SERPINA10: variants seen among roughly 807,000 people sequenced by gnomAD.
SERPINA10 encodes serpin family A member 10.
SERPINA10 carries 24 observed loss-of-function variants against 28.0 expected under a neutral mutation model. The ratio of observed to expected loss-of-function variants is 0.86; its 90% CI spans 0.62 to 1.20. SERPINA10 has a LOEUF of 1.20. Among genes scored for constraint, SERPINA10 ranks in the 50% most tolerant of loss-of-function variants. SERPINA10 has a pLI of 0.00. For synonymous variants in SERPINA10, 207 were observed against 203.9 expected (o/e 1.02, Z -0.13); for missense variants, 521 against 537.7 (o/e 0.97, Z 0.31).
chr14:94,288,289 GT>G lies in SERPINA10; in HGVS notation c.988del (p.Thr330ProfsTer13). 1.2e-6 allele frequency: 2 copies of G among 1,613,670 alleles called. No homozygotes were observed. Among genetic ancestry groups the G allele is most frequent in the Non-Finnish European group, 1.7e-6 (2 of 1,180,042 alleles). On this transcript the variant is annotated frameshift_variant, in exon 3 of 5. Transcript: ENST00000261994. LOFTEE classifies it high-confidence loss of function. ...LVETWLRNMK[T>X]RNMEVFFPKF... ...AGGGTGTGGGCAAGAGTTGTACCTG[GT>G]TTTCATGTTTCTGAGCCATGTCTCC...
At chr14:94,288,629 T>C (rs868195158) in intron 2 of SERPINA10, 70 bp from the exon 3 acceptor site, 2 of 1,586,568 alleles carry the variant, frequency 1.3e-6, no homozygotes, top group African/African-American at 1.3e-5. Flanking sequence ...GCTCAAATAA[T>C]AGAGAGGGAG....
chr14:94,280,621 T>C lies in SERPINA10; in HGVS notation c.*3344A>G, dbSNP rs1357968690. On this transcript the variant is annotated 3_prime_UTR_variant, in exon 5 of 5. Transcript: ENST00000261994. ...TGAAAGTTCTCAGTTTAACAACTTA[T>C]CAAATTAATCCTTTAAGCTAGTTGT... The C allele has an allele frequency of 6.6e-6, 1 of 152,204 alleles. No homozygotes were observed. Among genetic ancestry groups the C allele is most frequent in the Non-Finnish European group, 1.5e-5 (1 of 68,030 alleles). 9.4% of individuals were successfully genotyped at this position (152,204 alleles called of 1,614,324 possible).
In SERPINA10 at chr14:94,290,364, T is replaced by C. The variant is rs373169228; in HGVS notation, c.230A>G (p.Lys77Arg). 1.2e-5 allele frequency: 19 copies of C among 1,614,122 alleles called. No homozygotes were observed. The highest frequency in any genetic ancestry group is 9.3e-5 in the African/African-American group (7 of 74,944). The change falls in exon 2 of 5, where the codon AAG (lysine) becomes AGG (arginine). Residue 77 changes from lysine to arginine, a missense_variant. By Grantham distance (26) the Lys-to-Arg change is conservative. Coordinates refer to ENST00000261994, the MANE Select transcript of SERPINA10 (RefSeq NM_001100607.3). Reference protein sequence around the residue: ...WLMASRQQLAKETSNFGFSLL... With the variant: ...WLMASRQQLARETSNFGFSLL... ...GCTGAATCCGAAGTTTGAAGTCTCCTTGGCAAGCTGCTGCCTGCTGGCCAT... is the reference window on the plus strand; with the variant it reads ...GCTGAATCCGAAGTTTGAAGTCTCCCTGGCAAGCTGCTGCCTGCTGGCCAT...
intron 3 of SERPINA10, among the ~76,000 whole-genome samples, chr14:94,288,048 T>C (rs188359152): frequency 4.1e-4 from 62 of 152,336 alleles, no homozygotes; most frequent in Non-Finnish European, 3.1e-4. Flanking sequence ...CCTGGCATCA[T>C]ATATTTATCA....
chr14:94,291,823 T>C (rs56129514), intron 1 of SERPINA10, among the ~76,000 whole-genome samples: 79 of 152,354 alleles, frequency 5.2e-4, no homozygotes, highest in African/African-American at 1.9e-3. Flanking sequence ...TATCTATGCC[T>C]GGGACAAAAC....
At position 94,290,114 on chromosome 14, in the gene SERPINA10, G is replaced by A; in HGVS notation, c.480C>T (p.Leu160=). The stretch of plus-strand genomic sequence containing the variant: ...GGATGAAGGCAAAACTCCCCTGTGT[G>A]AGGCCCAGTTCCAGGTTGCGGGAGA... ...ETLSRNLELG[L]TQGSFAFIHK... is the part of the protein sequence containing the mutation. The change falls in exon 2 of 5, where the codon CTC becomes CTT. Residue 160 remains leucine, a synonymous_variant. Transcript: ENST00000261994. 6.2e-7 allele frequency: 1 copy of A among 1,614,196 alleles called. No individual in the cohort carries two copies. Among genetic ancestry groups the A allele is most frequent in the Admixed American group, 1.7e-5 (1 of 60,028 alleles).
chr14:94,291,141 G>A (rs1191051488), intron 1 of SERPINA10, among the ~76,000 whole-genome samples: 2 of 152,222 alleles, frequency 1.3e-5, no homozygotes, highest in African/African-American at 2.4e-5. Context: ...CAAGGAAGGG[G>A]GAAAGTATTG....
intron 1 of SERPINA10, chr14:94,292,810 C>T: frequency 1.6e-6 from 1 of 631,278 alleles, no homozygotes; most frequent in Non-Finnish European, 2.9e-6. Flanking sequence ...CTAGACAGAA[C>T]CTGGGCAGTA....
chr14:94,284,259 A>G (rs1894969293), intron 4 of SERPINA10, 103 bp from the exon 5 acceptor site: 2 of 1,054,398 alleles, frequency 1.9e-6, no homozygotes, highest in Non-Finnish European at 2.8e-6. Flanking sequence ...CCATGGGGTC[A>G]TGCTCCTGGG....
In SERPINA10 at chr14:94,288,355, T is replaced by C; in HGVS notation, c.923A>G (p.Asp308Gly). 1.2e-6 allele frequency: 2 copies of C among 1,614,136 alleles called. No homozygotes were observed. Among genetic ancestry groups the C allele is most frequent in the South Asian group, 2.2e-5 (2 of 91,072 alleles). Residue 308 changes from aspartate (D) to glycine (G), a missense_variant, in exon 3 of 5, where the codon GAC becomes GGC. Asp to Gly is a moderately conservative substitution (Grantham distance 94). Transcript: ENST00000261994. ...CAGGTAGTCTTCAAGGGCGAGGTGG[T>C]CACCCATTTTCTCCATGAGGACCAC... Reference protein sequence around the residue: ...MLVVLMEKMGDHLALEDYLTT... With the variant: ...MLVVLMEKMGGHLALEDYLTT...
rs1254743587 is a variant in SERPINA10, at chr14:94,281,426, ACT to A, written c.*2537_*2538del. On this transcript the variant is annotated 3_prime_UTR_variant, in exon 5 of 5. Transcript: ENST00000261994. ...ACTCCAGCCTGGGTGACAGAGCAAG[ACT>A]CTGTCTCAAAACAAAAACAAAAACA... 6.6e-6 allele frequency: 1 copy of A among 152,380 alleles called. No homozygotes were observed. Among genetic ancestry groups the A allele is most frequent in the South Asian group, 2.1e-4 (1 of 4,826 alleles). The allele number at this position is 152,380 out of a possible 1,614,324, so 9.4% of individuals were successfully genotyped here. A position where few individuals can be genotyped will look rare whatever the true frequency, so the allele number is the denominator to read the frequency against.
rs1242055819 is a variant in SERPINA10 at position 94,283,427 on chromosome 14, A to G, written c.*538T>C. On this transcript the variant is annotated 3_prime_UTR_variant, in exon 5 of 5. Coordinates refer to ENST00000261994, the MANE Select transcript of SERPINA10 (RefSeq NM_001100607.3). ...CCATGGTCCAAAAACATTAAATGAA[A>G]AATTCCAGAAATAAACAATCTAAAA... 1.3e-5 allele frequency: 2 copies of G among 154,010 alleles called. No homozygotes were observed. Among genetic ancestry groups the G allele is most frequent in the East Asian group, 3.8e-4 (2 of 5,246 alleles). The allele number at this position is 154,010 out of a possible 1,614,324, so 9.5% of individuals were successfully genotyped here. A position where few individuals can be genotyped will look rare whatever the true frequency, so the allele number is the denominator to read the frequency against.
In SERPINA10 at chr14:94,283,891, C is replaced by G. The variant is rs1182226087; in HGVS notation, c.*74G>C. 1.4e-6 allele frequency: 2 copies of G among 1,417,968 alleles called. No individual in the cohort carries two copies. Among genetic ancestry groups the G allele is most frequent in the African/African-American group, 1.4e-5 (1 of 70,680 alleles). 87.8% of individuals were successfully genotyped at this position (1,417,968 alleles called of 1,614,324 possible). On this transcript the variant is annotated 3_prime_UTR_variant, in exon 5 of 5. Coordinates refer to ENST00000261994, the MANE Select transcript of SERPINA10 (RefSeq NM_001100607.3). The stretch of plus-strand genomic sequence containing the variant: ...GAACACTCTCCCCTGCCATCCATTG[C>G]TGGTATCCTGTGTGTGTTTGATACC...
At position 94,289,961 on chromosome 14, in the gene SERPINA10, T is replaced by C. The variant is rs1047592561; in HGVS notation, c.633A>G (p.Lys211=). The C allele has an allele frequency of 6.2e-7, 1 of 1,614,240 alleles. No individual in the cohort carries two copies. Among genetic ancestry groups the C allele is most frequent in the Non-Finnish European group, 8.5e-7 (1 of 1,180,040 alleles). The change falls in exon 2 of 5, where the codon AAA becomes AAG. Residue 211 remains lysine, a synonymous_variant. Coordinates refer to ENST00000261994, the MANE Select transcript of SERPINA10 (RefSeq NM_001100607.3). The part of the protein sequence containing the change: ...AKRLMNHYIN[K]ETRGKIPKLF... Reference sequence around the variant, plus strand: ...GTTTGGGAATTTTCCCCCGAGTCTCTTTGTTAATGTAATGATTCATGAGCC... The same window carrying C: ...GTTTGGGAATTTTCCCCCGAGTCTCCTTGTTAATGTAATGATTCATGAGCC...
rs141499408 is a variant in SERPINA10 at position 94,289,827 on chromosome 14, C to A, written c.718+49G>T. 3.5e-4 allele frequency: 554 copies of A among 1,596,900 alleles called. 3 individuals are homozygous for A. The African/African-American group carries it at 6.8e-3, about 20-fold the overall frequency. The stretch of plus-strand genomic sequence containing the variant: ...GGCCTAACGAAAGGAAAGGGAGAGA[C>A]AATCGTAGGGCCCTGTGGCCTTGGG... On this transcript the variant is annotated intron_variant, in intron 2 of 4. Coordinates refer to ENST00000261994, the MANE Select transcript of SERPINA10 (RefSeq NM_001100607.3).
At position 94,290,454 on chromosome 14, in the gene SERPINA10, TC is replaced by T. The variant is rs1644367470; in HGVS notation, c.139del (p.Glu47ArgfsTer22). 1 of 1,613,302 alleles carries T rather than the reference TC, an allele frequency of 6.2e-7. No individual in the cohort carries two copies. Among genetic ancestry groups the T allele is most frequent in the South Asian group, 1.1e-5 (1 of 90,934 alleles). On this transcript the variant is annotated frameshift_variant, in exon 2 of 5. Coordinates refer to ENST00000261994, the MANE Select transcript of SERPINA10 (RefSeq NM_001100607.3). LOFTEE classifies it high-confidence loss of function. ...GGCCTCCTGCTCATCTTCCTCTTCC[TC>T]CTTGGGAGCCTGCACTACCCTGCTG... ...QTSRVVQAPK[E>X]EEEDEQEASE...
chr14:94,288,220 A>T, intron 3 of SERPINA10, 66 bp downstream of exon 3: 1 of 1,596,546 alleles, frequency 6.3e-7, no homozygotes. Flanking sequence ...CATTCAATGA[A>T]ATTGTGCTGA....
In SERPINA10 at chr14:94,283,480, G is replaced by T; in HGVS notation, c.*485C>A. On this transcript the variant is annotated 3_prime_UTR_variant, in exon 5 of 5. Coordinates refer to ENST00000261994, the MANE Select transcript of SERPINA10 (RefSeq NM_001100607.3). ...CTTAAGCAGCATGCCATTCTGAGTAGTGGGATGGAATCTTGCATTGTCCTG... is the reference window on the plus strand; with the variant it reads ...CTTAAGCAGCATGCCATTCTGAGTATTGGGATGGAATCTTGCATTGTCCTG... 1 of 162,740 alleles carries T rather than the reference G, an allele frequency of 6.1e-6. No individual in the cohort carries two copies. Among genetic ancestry groups the T allele is most frequent in the Non-Finnish European group, 1.4e-5 (1 of 74,052 alleles). The allele number at this position is 162,740 out of a possible 1,614,324, so 10.1% of individuals were successfully genotyped here. A position where few individuals can be genotyped will look rare whatever the true frequency, so the allele number is the denominator to read the frequency against.
At chr14:94,289,258 C>G (rs578260652) in intron 2 of SERPINA10, among the ~76,000 whole-genome samples, 49 of 152,194 alleles carry the variant, frequency 3.2e-4, no homozygotes, top group Non-Finnish European at 6.6e-4. Flanking sequence ...ATCAGGGGGT[C>G]AGGAGGCCCT....
Sources: gnomAD v4.1 joint callset for allele counts (sites outside exome capture counted in the v4.1 genomes callset) on GRCh38, gnomAD v4.1.1 for gene constraint, MANE v1.5 for transcripts, NCBI Gene and HGNC (gene_info 2026-07-23, HGNC 2026-07-21) for gene names.